Variants in ZNF709 observed in about 807,000 individuals in gnomAD.
The protein encoded by ZNF709 is zinc finger protein 709.
Under a neutral mutation model 10.6 loss-of-function variants are expected in ZNF709, and 15 were observed. The ratio of observed to expected loss-of-function variants is 1.41; its 90% CI spans 0.95 to 2.18. ZNF709 has a LOEUF of 2.18. Among genes scored for constraint, ZNF709 ranks in the 30% most tolerant of loss-of-function variants. The pLI, the probability that ZNF709 is intolerant of heterozygous loss-of-function variation, is 0.00. For synonymous variants in ZNF709, 194 were observed against 238.8 expected, an observed-to-expected ratio of 0.81 and a Z score of 1.73; for missense variants, 589 against 774.0, an observed-to-expected ratio of 0.76 and a Z score of 2.84.
At chr19:12,470,405 G>T (rs933130457) in intron 1 of ZNF709, among the ~76,000 whole-genome samples, 4 of 152,148 alleles carry the variant, frequency 2.6e-5, no homozygotes, top group Non-Finnish European at 4.4e-5. Flanking sequence ...CTTGTACAGT[G>T]GTTCTATGGC....
chr19:12,480,042 A>G (rs1219775430), intron 1 of ZNF709, among the ~76,000 whole-genome samples: 1 of 152,058 alleles, frequency 6.6e-6, no homozygotes, highest in Non-Finnish European at 1.5e-5. Flanking sequence ...ATGGTGGCTC[A>G]TGTCTGTAAT....
intron 1 of ZNF709, among the ~76,000 whole-genome samples, chr19:12,478,589 A>G (rs1416478595): frequency 1.3e-5 from 2 of 152,256 alleles, no homozygotes; most frequent in Non-Finnish European, 2.9e-5. Context: ...TGTCGTTCCA[A>G]TGTTGACACT....
In ZNF709 at chr19:12,463,990, A is replaced by T; in HGVS notation, c.*6T>A. On this transcript the variant is annotated 3_prime_UTR_variant, in exon 4 of 4. Coordinates refer to ENST00000397732, the MANE Select transcript of ZNF709 (RefSeq NM_152601.4). Reference sequence around the variant, plus strand: ...AAACTTTGCCATATTGCTTATATACATAGGGTTACTCTCCACTATGAACTC... The same window carrying T: ...AAACTTTGCCATATTGCTTATATACTTAGGGTTACTCTCCACTATGAACTC... 6.9e-7 allele frequency: 1 copy of T among 1,457,892 alleles called. No individual in the cohort carries two copies. The highest frequency in any genetic ancestry group is 9.1e-7 in the Non-Finnish European group (1 of 1,104,690). The allele number at this position is 1,457,892 out of a possible 1,614,324, so 90.3% of individuals were successfully genotyped here.
At chr19:12,482,616 T>G (rs559185820) in intron 1 of ZNF709, among the ~76,000 whole-genome samples, 1 of 152,214 alleles carries the variant, frequency 6.6e-6, no homozygotes, top group South Asian at 2.1e-4. Flanking sequence ...ACACAACAGA[T>G]GCAAAACTCA....
intron 1 of ZNF709, among the ~76,000 whole-genome samples, chr19:12,468,417 CAT>C (rs1381404002): frequency 2.0e-5 from 3 of 151,964 alleles, no homozygotes; most frequent in Non-Finnish European, 1.5e-5. Flanking sequence ...CTCTCTGAAA[CAT>C]GTGCTGTGTC....
At position 12,461,283 on chromosome 19, in the gene ZNF709, A is replaced by G. The variant is rs1970512318; in HGVS notation, c.*2713T>C. Reference sequence around the variant, plus strand: ...GAAAAGTTAATAAAATATTTCTAAGAAACATCTACAGAAGCTTTTGTTCAA... The same window carrying G: ...GAAAAGTTAATAAAATATTTCTAAGGAACATCTACAGAAGCTTTTGTTCAA... On this transcript the variant is annotated 3_prime_UTR_variant, in exon 4 of 4. Coordinates refer to ENST00000397732, the MANE Select transcript of ZNF709 (RefSeq NM_152601.4). 1 of 152,268 alleles carries G rather than the reference A, an allele frequency of 6.6e-6. No homozygotes were observed. Among genetic ancestry groups the G allele is most frequent in the Non-Finnish European group, 1.5e-5 (1 of 68,044 alleles). 9.4% of individuals were successfully genotyped at this position (152,268 alleles called of 1,614,324 possible).
At chr19:12,482,120 G>A (rs986396818) in intron 1 of ZNF709, among the ~76,000 whole-genome samples, 10 of 150,240 alleles carry the variant, frequency 6.7e-5, no homozygotes, top group Admixed American at 1.3e-4. Flanking sequence ...CCAACAAAGT[G>A]AGAACCCACC....
chr19:12,466,370 G>T, intron 3 of ZNF709, 92 bp downstream of exon 3: 1 of 1,255,956 alleles, frequency 8.0e-7, no homozygotes, highest in Non-Finnish European at 1.1e-6. Context: ...TATGAAATGG[G>T]GCTTATTTGT....
intron 1 of ZNF709, among the ~76,000 whole-genome samples, chr19:12,483,331 T>TTTC (rs71166688): frequency 2.1e-5 from 3 of 145,104 alleles, no homozygotes; most frequent in Non-Finnish European, 4.5e-5. Context: ...TTTTTTTTTT[T>TTTC]CTAGTAGAGA....
intron 1 of ZNF709, among the ~76,000 whole-genome samples, chr19:12,467,412 T>A (rs893594976): frequency 6.6e-6 from 1 of 152,182 alleles, no homozygotes; most frequent in Non-Finnish European, 1.5e-5. Flanking sequence ...CGAGGTGCCG[T>A]GATTGCAGAC....
chr19:12,467,903 C>T (rs1970593058), intron 1 of ZNF709, among the ~76,000 whole-genome samples: 1 of 151,922 alleles, frequency 6.6e-6, no homozygotes. Context: ...AGCATCTCCG[C>T]CCGGCAGCCA....
In ZNF709 at chr19:12,484,762, T is replaced by G. The variant is rs1970764753; in HGVS notation, c.-105A>C. On this transcript the variant is annotated 5_prime_UTR_variant, in exon 1 of 4. Transcript: ENST00000397732. ...TCCTCCACCTGAGGGCCTTCTGGGGTGAGGAGACCCCAGAGCGGAGCGCAG... is the reference window on the plus strand; with the variant it reads ...TCCTCCACCTGAGGGCCTTCTGGGGGGAGGAGACCCCAGAGCGGAGCGCAG... The G allele has an allele frequency of 6.6e-7, 1 of 1,514,382 alleles. No homozygotes were observed. Among genetic ancestry groups the G allele is most frequent in the South Asian group, 1.1e-5 (1 of 88,338 alleles). The allele number at this position is 1,514,382 out of a possible 1,614,324, so 93.8% of individuals were successfully genotyped here.
chr19:12,476,491 C>T (rs1970679569), intron 1 of ZNF709, among the ~76,000 whole-genome samples: 2 of 151,966 alleles, frequency 1.3e-5, no homozygotes, highest in South Asian at 4.1e-4. Flanking sequence ...AAGCAAAATC[C>T]ATACAAAATA....
chr19:12,468,874 T>C (rs1970608658), intron 1 of ZNF709, among the ~76,000 whole-genome samples: 1 of 151,928 alleles, frequency 6.6e-6, no homozygotes, highest in African/African-American at 2.4e-5. Context: ...AGAGTCTTGC[T>C]CTGACGCCCA....
At chr19:12,477,529 T>C (rs974227494) in intron 1 of ZNF709, among the ~76,000 whole-genome samples, 10 of 152,262 alleles carry the variant, frequency 6.6e-5, no homozygotes, top group African/African-American at 2.4e-4. Flanking sequence ...ATTTGTCTTC[T>C]ATTTTATATT....
chr19:12,476,979 C>T (rs564443015), intron 1 of ZNF709, among the ~76,000 whole-genome samples: 92 of 152,178 alleles, frequency 6.0e-4, no homozygotes, highest in Non-Finnish European at 1.1e-3. Flanking sequence ...TCAGATTTTG[C>T]CTGCAAAGAC....
At chr19:12,479,608 C>T (rs1223649372) in intron 1 of ZNF709, among the ~76,000 whole-genome samples, 1 of 152,114 alleles carries the variant, frequency 6.6e-6, no homozygotes, top group Non-Finnish European at 1.5e-5. Flanking sequence ...CGATGGCTCA[C>T]GCCTGTAATC....
chr19:12,474,693 G>GT (rs1322305470), intron 1 of ZNF709, among the ~76,000 whole-genome samples: 3 of 152,134 alleles, frequency 2.0e-5, no homozygotes, highest in Admixed American at 6.5e-5. Flanking sequence ...ACCAACACCT[G>GT]TAAGACTATA....
chr19:12,474,441 G>C (rs1469756909), intron 1 of ZNF709, among the ~76,000 whole-genome samples: 1 of 152,084 alleles, frequency 6.6e-6, no homozygotes, highest in African/African-American at 2.4e-5. Context: ...ACACATTTAG[G>C]TTGTTTACAT....
Sources: allele counts gnomAD v4.1 joint callset (sites outside exome capture counted in the v4.1 genomes callset), GRCh38; gene constraint gnomAD v4.1.1; transcripts MANE v1.5; gene names NCBI Gene and HGNC (gene_info 2026-07-23, HGNC 2026-07-21).